ME3: variants seen among roughly 807,000 people sequenced by gnomAD.
The protein encoded by ME3 is NADP-dependent malic enzyme, mitochondrial.
In ME3, 48 loss-of-function variants were observed where a neutral mutation model predicts 68.9. The ratio of observed to expected loss-of-function variants is 0.70; its 90% CI spans 0.55 to 0.89. ME3 has a LOEUF of 0.89. ME3 is among the 40% of genes least tolerant of loss of function. ME3 has a pLI of 0.00. For missense variants in ME3, 675 were observed against 797.4 expected (o/e 0.85, Z 1.85); for synonymous variants, 320 against 318.8 (o/e 1.00, Z -0.04).
At chr11:86,629,954 T>C (rs1474747874) in intron 2 of ME3, among the ~76,000 whole-genome samples, 4 of 152,156 alleles carry the variant, frequency 2.6e-5, no homozygotes, top group African/African-American at 4.8e-5. Context: ...GTATGAAGCA[T>C]GCAGAAGAGG....
intron 12 of ME3, 65 bp downstream of exon 12, chr11:86,447,000 G>A: frequency 1.3e-6 from 2 of 1,566,736 alleles, no homozygotes; most frequent in Non-Finnish European, 1.7e-6. Flanking sequence ...TCACCCTCAT[G>A]AGGTTACTCA....
chr11:86,668,238 C>G (rs968618669), intron 2 of ME3: 6 of 152,178 alleles, frequency 3.9e-5, no homozygotes, highest in Admixed American at 2.0e-4. Flanking sequence ...CTTGGCTTCT[C>G]TTTTCTTTGG....
chr11:86,667,931 C>T (rs1046342939), intron 2 of ME3: 5 of 151,944 alleles, frequency 3.3e-5, no homozygotes, highest in African/African-American at 1.2e-4. Context: ...TTGCCAAATC[C>T]GTATGGACAA....
intron 2 of ME3, 95 bp from the exon 3 acceptor site, chr11:86,559,918 T>C: frequency 7.2e-7 from 1 of 1,379,506 alleles, no homozygotes; most frequent in Non-Finnish European, 9.8e-7. Context: ...TAAAAGTCAG[T>C]GTGACTCAGT....
chr11:86,659,379 C>T (rs1946128568), intron 2 of ME3, among the ~76,000 whole-genome samples: 1 of 152,184 alleles, frequency 6.6e-6, no homozygotes. Flanking sequence ...GTAGAAGAGA[C>T]AGACATCACT....
chr11:86,522,715 C>CT (rs1357465201), intron 4 of ME3, among the ~76,000 whole-genome samples: 1 of 152,074 alleles, frequency 6.6e-6, no homozygotes, highest in Non-Finnish European at 1.5e-5. Flanking sequence ...CAATCTCATT[C>CT]TTTTTTATGG....
chr11:86,498,223 C>G, intron 5 of ME3, 99 bp from the exon 6 acceptor site: 1 of 1,396,942 alleles, frequency 7.2e-7, no homozygotes, highest in Non-Finnish European at 9.6e-7. Context: ...GACTGGATGC[C>G]CACTGACTTT....
intron 8 of ME3, among the ~76,000 whole-genome samples, chr11:86,462,141 C>T (rs1236760011): frequency 6.6e-6 from 1 of 152,182 alleles, no homozygotes; most frequent in Non-Finnish European, 1.5e-5. Flanking sequence ...TATGTGAGCA[C>T]AGTCAATCCT....
At chr11:86,573,164 A>G (rs1957903660) in intron 2 of ME3, among the ~76,000 whole-genome samples, 1 of 152,156 alleles carries the variant, frequency 6.6e-6, no homozygotes, top group Admixed American at 6.5e-5. Flanking sequence ...AGTTCCTTGT[A>G]GATTCTGGAT....
chr11:86,559,855 T>C lies in ME3; in HGVS notation c.184-32A>G. On this transcript the variant is annotated intron_variant, in intron 2 of 14. Coordinates refer to ENST00000543262, the Ensembl canonical transcript of ME3. The stretch of plus-strand genomic sequence containing the variant: ...AAAACAGGAAAAGAACACCCACACA[T>C]AAGTGCATACTCAGGAGACAAAGGA... 4 of 1,609,246 alleles carry C rather than the reference T, an allele frequency of 2.5e-6. No individual in the cohort carries two copies. In the East Asian group the frequency reaches 6.7e-5, roughly 27 times the overall value.
chr11:86,552,552 A>G (rs959630097), intron 4 of ME3, among the ~76,000 whole-genome samples: 1 of 152,162 alleles, frequency 6.6e-6, no homozygotes, highest in African/African-American at 2.4e-5. Flanking sequence ...CAATTTAACC[A>G]GAAACCCCTT....
At chr11:86,645,760 C>T (rs1205428408) in intron 2 of ME3, among the ~76,000 whole-genome samples, 1 of 152,198 alleles carries the variant, frequency 6.6e-6, no homozygotes, top group Non-Finnish European at 1.5e-5. Context: ...GAAGGAGAGA[C>T]ACCTTCCAGC....
At chr11:86,525,856 C>CT (rs1446778482) in intron 4 of ME3, among the ~76,000 whole-genome samples, 1 of 131,232 alleles carries the variant, frequency 7.6e-6, no homozygotes. Context: ...GGGCAAAACT[C>CT]TGTCTCAAAA....
rs758702779 is a variant in ME3 at position 86,575,563 on chromosome 11, G to C, written c.184-15740C>G. ...CTTTCTCTGAGATAAGAATAAACTT[G>C]GGACTGTTGGCAATCATTTCTGAGA... On this transcript the variant is annotated intron_variant, in intron 2 of 14. Coordinates refer to ENST00000543262, the Ensembl canonical transcript of ME3. Among the ~76,000 whole-genome samples, 3 of 144,176 alleles carry C rather than the reference G, an allele frequency of 2.1e-5. No individual in the cohort carries two copies. The South Asian group carries it at 6.4e-4, about 31-fold the overall frequency. 94.6% of individuals were successfully genotyped at this position (144,176 alleles called of 152,430 possible).
chr11:86,647,977 A>T (rs1945141909), intron 2 of ME3, among the ~76,000 whole-genome samples: 2 of 152,226 alleles, frequency 1.3e-5, no homozygotes, highest in African/African-American at 4.8e-5. Context: ...ACCACATAGC[A>T]CTTATTCTAA....
At chr11:86,669,151 C>T (rs78734110) in intron 2 of ME3, among the ~76,000 whole-genome samples, 12,483 of 152,250 alleles carry the variant, frequency 0.082, 563 homozygotes, top group Non-Finnish European at 0.11. Flanking sequence ...AAGAGAAGGG[C>T]ACTCACAGTA....
chr11:86,529,499 T>C, intron 4 of ME3, among the ~76,000 whole-genome samples: 1 of 152,166 alleles, frequency 6.6e-6, no homozygotes, highest in Non-Finnish European at 1.5e-5. Context: ...CCTCCCTAAC[T>C]CATTTTATGA....
At chr11:86,488,020 A>T (rs1368455135) in intron 6 of ME3, among the ~76,000 whole-genome samples, 1 of 152,136 alleles carries the variant, frequency 6.6e-6, no homozygotes, top group African/African-American at 2.4e-5. Context: ...TCTACAAAAA[A>T]TTTTTAAAAA....
chr11:86,534,352 A>AT (rs1030082294), intron 4 of ME3, among the ~76,000 whole-genome samples: 7 of 152,180 alleles, frequency 4.6e-5, no homozygotes, highest in Non-Finnish European at 7.4e-5. Context: ...TTTTAAGTTA[A>AT]TTTTTTTCTC....
Sources: allele counts gnomAD v4.1 joint callset (sites outside exome capture counted in the v4.1 genomes callset), GRCh38; gene constraint gnomAD v4.1.1; transcripts MANE v1.5; gene names NCBI Gene and HGNC (gene_info 2026-07-23, HGNC 2026-07-21).